Variants in NKAIN3 observed in about 807,000 individuals in gnomAD.
NKAIN3 encodes the protein sodium/potassium-transporting ATPase subunit beta-1-interacting protein 3.
A neutral mutation model predicts 30.2 loss-of-function variants in NKAIN3; 25 were observed. That is an observed-to-expected ratio of 0.83 (90% CI 0.60 to 1.16). The LOEUF (loss-of-function observed/expected upper bound fraction) is 1.16. NKAIN3 is among the 50% of genes most tolerant of loss of function. NKAIN3 has a pLI of 0.00. For synonymous variants in NKAIN3, 91 were observed against 89.6 expected (o/e 1.02, Z -0.09); for missense variants, 225 against 254.1 (o/e 0.89, Z 0.78).
chr8:62,328,562 G>A (rs1200810106), intron 1 of NKAIN3, among the ~76,000 whole-genome samples: 1 of 151,954 alleles, frequency 6.6e-6, no homozygotes, highest in Non-Finnish European at 1.5e-5. Context: ...AGAACCATAT[G>A]CCACTAAACC....
intron 1 of NKAIN3, among the ~76,000 whole-genome samples, chr8:62,350,550 C>T (rs1816148573): frequency 6.6e-6 from 1 of 151,984 alleles, no homozygotes; most frequent in Non-Finnish European, 1.5e-5. Context: ...GTGGTGATGG[C>T]TGCAGAACAA....
intron 1 of NKAIN3, among the ~76,000 whole-genome samples, chr8:62,359,328 C>T (rs1158742299): frequency 2.0e-5 from 3 of 152,166 alleles, no homozygotes; most frequent in African/African-American, 7.2e-5. Context: ...CATTGAGACA[C>T]AGTTACAGAC....
At chr8:62,527,916 TGACA>T (rs1181549844) in intron 1 of NKAIN3, among the ~76,000 whole-genome samples, 2 of 145,640 alleles carry the variant, frequency 1.4e-5, no homozygotes, top group African/African-American at 5.3e-5. Flanking sequence ...TGTGTGTGTG[TGACA>T]GAGAGACAGA....
At chr8:62,643,591 T>C (rs1441929080) in intron 3 of NKAIN3, among the ~76,000 whole-genome samples, 1 of 152,108 alleles carries the variant, frequency 6.6e-6, no homozygotes, top group African/African-American at 2.4e-5. Flanking sequence ...CCACATTCCC[T>C]ATATCTGAAG....
rs193021908 is a variant in NKAIN3, at chr8:62,327,751, C to T, written c.54+78624C>T. 5.7e-3 allele frequency among the ~76,000 whole-genome samples: 862 copies of T among 151,892 alleles called. 9 individuals carry two copies. Among genetic ancestry groups the T allele is most frequent in the African/African-American group, 0.02 (815 of 41,446 alleles). On this transcript the variant is annotated intron_variant, in intron 1 of 6. Coordinates refer to ENST00000623646, the MANE Select transcript of NKAIN3 (RefSeq NM_001304533.3). ...CTCTAGCTTTGTTCTTTTTTTATCG[C>T]GATTGTTTCGGCTACTTCATGCCCC...
chr8:62,543,156 A>G (rs2129900298), intron 1 of NKAIN3, among the ~76,000 whole-genome samples: 1 of 152,278 alleles, frequency 6.6e-6, no homozygotes, highest in African/African-American at 2.4e-5. Flanking sequence ...AACAAAAGGT[A>G]TATATTAAAG....
chr8:62,355,591 A>G (rs1816322763), intron 1 of NKAIN3, among the ~76,000 whole-genome samples: 1 of 152,194 alleles, frequency 6.6e-6, no homozygotes, highest in African/African-American at 2.4e-5. Flanking sequence ...CTAAATGTAC[A>G]AAGTCTTAGG....
intron 3 of NKAIN3, among the ~76,000 whole-genome samples, chr8:62,671,800 G>T (rs1469675652): frequency 2.6e-5 from 4 of 151,750 alleles, no homozygotes; most frequent in Non-Finnish European, 5.9e-5. Flanking sequence ...TGTTCTTTAG[G>T]ATAGCTTCCC....
intron 4 of NKAIN3, chr8:62,857,154 T>C (rs1820086803): frequency 2.9e-6 from 1 of 345,528 alleles, no homozygotes; most frequent in African/African-American, 2.2e-5. Context: ...TTTAAGAATG[T>C]TGAATATAGG....
chr8:62,738,505 A>G (rs994619803), intron 3 of NKAIN3, among the ~76,000 whole-genome samples: 1 of 150,934 alleles, frequency 6.6e-6, no homozygotes, highest in Non-Finnish European at 1.5e-5. Flanking sequence ...AGGCAGAGAC[A>G]GGAGAATTGC....
chr8:62,583,622 G>A (rs551232211), intron 2 of NKAIN3, among the ~76,000 whole-genome samples: 1 of 152,174 alleles, frequency 6.6e-6, no homozygotes, highest in Non-Finnish European at 1.5e-5. Flanking sequence ...GGTGGTAGTG[G>A]GCAGCAGAAC....
intron 3 of NKAIN3, among the ~76,000 whole-genome samples, chr8:62,649,712 G>A (rs1185371398): frequency 6.6e-6 from 1 of 152,078 alleles, no homozygotes; most frequent in Non-Finnish European, 1.5e-5. Context: ...TGTGAAAGGA[G>A]GGAGGAAAAT....
At chr8:62,508,188 C>T (rs555862243) in intron 1 of NKAIN3, among the ~76,000 whole-genome samples, 15 of 152,110 alleles carry the variant, frequency 9.9e-5, no homozygotes, top group Non-Finnish European at 1.9e-4. Context: ...AGTGGTGAAC[C>T]CTCCCTGCAA....
chr8:62,776,312 CA>C (rs1817190543), intron 4 of NKAIN3, among the ~76,000 whole-genome samples: 1 of 151,920 alleles, frequency 6.6e-6, no homozygotes, highest in African/African-American at 2.4e-5. Context: ...CTTTCTTCTG[CA>C]ATATTTTAAT....
chr8:62,805,712 T>G (rs1429571500), intron 4 of NKAIN3, among the ~76,000 whole-genome samples: 1 of 152,182 alleles, frequency 6.6e-6, no homozygotes, highest in Non-Finnish European at 1.5e-5. Context: ...GAAGAAAACC[T>G]AGGCATTACC....
intron 4 of NKAIN3, among the ~76,000 whole-genome samples, chr8:62,807,788 T>C (rs1379515384): frequency 1.3e-5 from 2 of 148,874 alleles, no homozygotes; most frequent in Non-Finnish European, 3.0e-5. Context: ...ATAAAATACA[T>C]ACATATATAT....
At chr8:62,823,872 C>T (rs748729851) in intron 4 of NKAIN3, among the ~76,000 whole-genome samples, 2 of 152,120 alleles carry the variant, frequency 1.3e-5, no homozygotes, top group African/African-American at 2.4e-5. Flanking sequence ...ACTCTCACAC[C>T]AGTTGTCTTA....
intron 1 of NKAIN3, among the ~76,000 whole-genome samples, chr8:62,265,730 A>AT (rs1487742905): frequency 1.3e-5 from 2 of 152,176 alleles, no homozygotes; most frequent in Non-Finnish European, 2.9e-5. Flanking sequence ...TATAGTACAC[A>AT]TTTTTATACA....
intron 1 of NKAIN3, among the ~76,000 whole-genome samples, chr8:62,309,119 A>G (rs1439614786): frequency 6.6e-6 from 1 of 150,588 alleles, no homozygotes; most frequent in Admixed American, 6.6e-5. Context: ...TGCTCAACCC[A>G]TATACTAAAA....
Sources: gnomAD v4.1 joint callset for allele counts (sites outside exome capture counted in the v4.1 genomes callset) on GRCh38, gnomAD v4.1.1 for gene constraint, MANE v1.5 for transcripts, NCBI Gene and HGNC (gene_info 2026-07-23, HGNC 2026-07-21) for gene names.